The following GREB1 variants were observed in gnomAD, a reference collection of about 807,000 sequenced individuals.
The protein encoded by GREB1 is protein GREB1.
Under a neutral mutation model 200.7 loss-of-function variants are expected in GREB1, and 106 were observed. The observed-to-expected ratio is 0.53, with a 90% CI of 0.45 to 0.62. GREB1 has a LOEUF of 0.62. GREB1 is among the 20% of genes least tolerant of loss of function. The pLI is 0.00. For synonymous variants in GREB1, 1,132 were observed against 1,092.4 expected, an observed-to-expected ratio of 1.04 and a Z score of -0.72; for missense variants, 2,243 against 2,556.8, an observed-to-expected ratio of 0.88 and a Z score of 2.65.
intron 4 of GREB1, among the ~76,000 whole-genome samples, chr2:11,573,374 C>T (rs925811043): frequency 1.3e-5 from 2 of 152,174 alleles, no homozygotes; most frequent in African/African-American, 4.8e-5. Context: ...GGAAGAATTT[C>T]GATTCTGGAT....
Position 11,596,394 on chromosome 2 carries a change from C to T in GREB1, c.1954+155C>T, listed in dbSNP as rs1474324581. ...CACAGATGTGTATAGTGAGGGGGGA[C>T]GGGGCACAGGTGTGTACAGTGAGAG... is the stretch of plus-strand genomic sequence containing the variant. On this transcript the variant is annotated intron_variant, in intron 13 of 32. Coordinates refer to ENST00000381486, the MANE Select transcript of GREB1 (RefSeq NM_014668.4). Among the ~76,000 whole-genome samples, 16 of 88,790 alleles carry T rather than the reference C, an allele frequency of 1.8e-4. No individual in the cohort carries two copies. In the East Asian group the frequency reaches 1.9e-3, roughly 11 times the overall value. The allele number at this position is 88,790 out of a possible 152,430, so 58.2% of individuals were successfully genotyped here.
intron 26 of GREB1, among the ~76,000 whole-genome samples, chr2:11,631,562 C>T (rs997483257): frequency 7.2e-5 from 11 of 152,224 alleles, no homozygotes; most frequent in African/African-American, 2.2e-4. Context: ...TCACTCGTGT[C>T]GATAGTGAGC....
chr2:11,587,264 A>T, intron 9 of GREB1: 1 of 781,010 alleles, frequency 1.3e-6, no homozygotes, highest in Non-Finnish European at 2.2e-6. Flanking sequence ...TTCTCCATGA[A>T]GTTGTCTTAG....
At chr2:11,601,131 A>C in intron 16 of GREB1, 136 bp downstream of exon 16, 3 of 686,470 alleles carry the variant, frequency 4.4e-6, no homozygotes, top group Non-Finnish European at 4.7e-6. Flanking sequence ...TTCAACCCAG[A>C]GTTAGGTTGT....
chr2:11,616,490 G>A (rs1683417717), intron 20 of GREB1, 141 bp from the exon 21 acceptor site: 1 of 704,846 alleles, frequency 1.4e-6, no homozygotes, highest in Non-Finnish European at 2.6e-6. Context: ...GTCCATGGTG[G>A]GGGCCTGGAA....
chr2:11,557,273 TAG>T (rs1358691349), intron 2 of GREB1, among the ~76,000 whole-genome samples: 1 of 152,256 alleles, frequency 6.6e-6, no homozygotes, highest in Non-Finnish European at 1.5e-5. Context: ...GATGACTTTT[TAG>T]AGTTTATTTA....
rs144313581 is a variant in GREB1 at position 11,603,143 on chromosome 2, C to T, written c.2666+601C>T. On this transcript the variant is annotated intron_variant, in intron 17 of 32. Coordinates refer to ENST00000381486, the MANE Select transcript of GREB1 (RefSeq NM_014668.4). ...GCACAGCCAGCCCCTTTAACCCTGT[C>T]GCAACAGACCTCATTTTATAGATGA... is the stretch of plus-strand genomic sequence containing the variant. 5.3e-5 allele frequency among the ~76,000 whole-genome samples: 8 copies of T among 152,296 alleles called. No homozygotes were observed. The South Asian group carries it at 6.2e-4, about 12-fold the overall frequency.
intron 1 of GREB1, among the ~76,000 whole-genome samples, chr2:11,538,341 G>A (rs1273011885): frequency 6.6e-6 from 1 of 151,382 alleles, no homozygotes; most frequent in African/African-American, 2.4e-5. Context: ...CCTGACTGGG[G>A]CACCAAGAGG....
At chr2:11,611,167 T>G in intron 18 of GREB1, 140 bp downstream of exon 18, 2 of 678,570 alleles carry the variant, frequency 2.9e-6, no homozygotes. Flanking sequence ...CTCAGCCTCC[T>G]CTCTGTGCTT....
At chr2:11,587,085 C>T (rs1027511407) in intron 9 of GREB1, among the ~76,000 whole-genome samples, 1 of 152,188 alleles carries the variant, frequency 6.6e-6, no homozygotes, top group African/African-American at 2.4e-5. Flanking sequence ...CTCACACGAG[C>T]AATCTCAGAA....
At chr2:11,631,661 C>T (rs972039041) in intron 26 of GREB1, among the ~76,000 whole-genome samples, 2 of 152,134 alleles carry the variant, frequency 1.3e-5, no homozygotes, top group South Asian at 2.1e-4. Context: ...CAGGCTAGCC[C>T]GGGCTTGTGC....
At chr2:11,621,231 T>G (rs1231735130) in intron 23 of GREB1, among the ~76,000 whole-genome samples, 3 of 152,208 alleles carry the variant, frequency 2.0e-5, no homozygotes, top group Admixed American at 1.3e-4. Flanking sequence ...GTTTACTGAG[T>G]ACCTTCCACA....
At chr2:11,625,943 AG>A (rs1553381389) in intron 24 of GREB1, among the ~76,000 whole-genome samples, 4 of 152,224 alleles carry the variant, frequency 2.6e-5, no homozygotes, top group Non-Finnish European at 1.5e-5. Context: ...ATATAGCAGC[AG>A]GCAAGAGAGA....
intron 1 of GREB1, among the ~76,000 whole-genome samples, chr2:11,527,594 A>G (rs776645107): frequency 6.6e-6 from 1 of 152,204 alleles, no homozygotes; most frequent in Non-Finnish European, 1.5e-5. Context: ...CATCCCCTGG[A>G]CAGTCTTTCC....
intron 1 of GREB1, among the ~76,000 whole-genome samples, chr2:11,521,664 G>A (rs1026141109): frequency 2.6e-5 from 4 of 152,094 alleles, no homozygotes; most frequent in Admixed American, 6.6e-5. Flanking sequence ...AATCAGCTAC[G>A]GAGCCTCTCC....
intron 1 of GREB1, among the ~76,000 whole-genome samples, chr2:11,545,511 C>G (rs1256732332): frequency 6.6e-6 from 1 of 152,164 alleles, no homozygotes; most frequent in African/African-American, 2.4e-5. Flanking sequence ...TTTCCTAACC[C>G]AAAGTTTGGA....
In GREB1 at chr2:11,638,793, G is replaced by C; in HGVS notation, c.5670G>C (p.Lys1890Asn). 1 of 1,614,002 alleles carries C rather than the reference G, an allele frequency of 6.2e-7. No homozygotes were observed. Among genetic ancestry groups the C allele is most frequent in the Non-Finnish European group, 8.5e-7 (1 of 1,179,990 alleles). ...DSFVGASFLK[K>N]FHFLKGATLC... is the part of the protein sequence containing the mutation. Reference sequence around the variant, plus strand: ...TTGTGGGAGCTAGCTTTTTGAAAAAGTTTCATTTTCTGAAAGGTAACTTTT... The same window carrying C: ...TTGTGGGAGCTAGCTTTTTGAAAAACTTTCATTTTCTGAAAGGTAACTTTT... Residue 1890 changes from lysine to asparagine, a missense_variant, in exon 32 of 33, where the codon AAG becomes AAC. By Grantham distance (94) the Lys-to-Asn change is moderately conservative. This residue lies in a region of GREB1 where 478 missense variants were observed against 616.3 expected (regional missense o/e 0.78). Transcript: ENST00000381486.
At position 11,493,547 on chromosome 2, in the gene GREB1, C is replaced by T. The variant is rs578034833; in HGVS notation, c.-159+11166C>T. Among the ~76,000 whole-genome samples the T allele has an allele frequency of 1.8e-4, 28 of 152,302 alleles. No individual in the cohort carries two copies. Among genetic ancestry groups the T allele is most frequent in the African/African-American group, 6.0e-4 (25 of 41,552 alleles). On this transcript the variant is annotated intron_variant, in intron 1 of 2. Coordinates refer to the GREB1 transcript ENST00000628795. This position sits in a 1 kb window ranked among gnomAD's most constrained non-coding sequence, Gnocchi z 4.6. ...CCACCGCTCACCTCCTGCTGTGTGG[C>T]CTGCTTCCTAACAGGCCATGGACCA...
intron 1 of GREB1, among the ~76,000 whole-genome samples, chr2:11,520,479 C>T (rs1673664759): frequency 6.6e-6 from 1 of 152,152 alleles, no homozygotes; most frequent in Admixed American, 6.5e-5. Flanking sequence ...TAGGGAAGGC[C>T]TATCAGCTGC....
Sources: gnomAD v4.1 joint callset for allele counts (sites outside exome capture counted in the v4.1 genomes callset) on GRCh38, gnomAD v4.1.1 for gene constraint, gnomAD v4.1.1 regional missense constraint, Gnocchi (gnomAD v3.1) non-coding constraint, MANE v1.5 for transcripts, NCBI Gene and HGNC (gene_info 2026-07-23, HGNC 2026-07-21) for gene names.